Variants in CNIH3 observed in about 807,000 individuals in gnomAD.
CNIH3 encodes the protein cornichon family AMPA receptor auxiliary protein 3, also known as protein cornichon homolog 3.
A neutral mutation model predicts 24.1 loss-of-function variants in CNIH3; 14 were observed. The ratio of observed to expected loss-of-function variants is 0.58; its 90% CI spans 0.38 to 0.91. The LOEUF is 0.91. CNIH3 is among the 40% of genes least tolerant of loss of function. The pLI is 0.00. For missense variants in CNIH3, 178 were observed against 196.8 expected, an observed-to-expected ratio of 0.90 and a Z score of 0.57; for synonymous variants, 68 against 73.8, an observed-to-expected ratio of 0.92 and a Z score of 0.40.
intron 1 of CNIH3, among the ~76,000 whole-genome samples, chr1:224,627,239 T>G (rs992276898): frequency 6.6e-6 from 1 of 151,962 alleles, no homozygotes; most frequent in Admixed American, 6.5e-5. Flanking sequence ...TTTTTTTTGT[T>G]GTTTTGAGAC....
intron 1 of CNIH3, among the ~76,000 whole-genome samples, chr1:224,484,548 A>T (rs1572340739): frequency 1.3e-5 from 2 of 152,220 alleles, no homozygotes; most frequent in East Asian, 3.9e-4. Context: ...GTGACTTTGT[A>T]GTTTTATCAA....
At chr1:224,585,673 G>A (rs1215989246) in intron 5 of CNIH3, among the ~76,000 whole-genome samples, 1 of 146,360 alleles carries the variant, frequency 6.8e-6, no homozygotes, top group Non-Finnish European at 1.5e-5. Context: ...TTGTAGAGAT[G>A]GGGGTCTCAC....
chr1:224,482,240 G>A (rs191924937), intron 1 of CNIH3, among the ~76,000 whole-genome samples: 11 of 152,238 alleles, frequency 7.2e-5, no homozygotes, highest in East Asian at 3.9e-4. Flanking sequence ...CCACTGTAGC[G>A]AAGCTGGTAC....
intron 3 of CNIH3, among the ~76,000 whole-genome samples, chr1:224,563,077 A>C (rs180964608): frequency 3.9e-5 from 6 of 152,116 alleles, no homozygotes; most frequent in Non-Finnish European, 8.8e-5. Context: ...GTGGTTTTAC[A>C]TAATATAGGA....
intron 1 of CNIH3, among the ~76,000 whole-genome samples, chr1:224,497,042 A>C (rs1677466735): frequency 6.6e-6 from 1 of 152,270 alleles, no homozygotes; most frequent in East Asian, 1.9e-4. Context: ...TTATGCAGCC[A>C]TAAAAAGGAA....
chr1:224,739,559 C>T lies in CNIH3; in HGVS notation c.*203C>T. On this transcript the variant is annotated 3_prime_UTR_variant, in exon 6 of 6. Transcript: ENST00000272133. ...TGCGTGTCTGTGTCACCCTGTTTGTCAATCTTTGGCATTCGAATTCCACAC... is the reference window on the plus strand; with the variant it reads ...TGCGTGTCTGTGTCACCCTGTTTGTTAATCTTTGGCATTCGAATTCCACAC... The T allele has an allele frequency of 2.2e-6, 2 of 928,858 alleles. No individual in the cohort carries two copies. The highest frequency in any genetic ancestry group is 3.2e-6 in the Non-Finnish European group (2 of 628,846). 57.5% of individuals were successfully genotyped at this position (928,858 alleles called of 1,614,324 possible). A position where few individuals can be genotyped will look rare whatever the true frequency, so the allele number is the denominator to read the frequency against.
At chr1:224,541,010 A>C (rs1679491622), downstream of CNIH3, among the ~76,000 whole-genome samples, 1 of 152,228 alleles carries the variant, frequency 6.6e-6, no homozygotes, top group Non-Finnish European at 1.5e-5. Context: ...AGATTAGCCC[A>C]CTAAAGTCAT....
intron 3 of CNIH3, among the ~76,000 whole-genome samples, chr1:224,548,592 T>C (rs968794282): frequency 2.0e-5 from 3 of 151,996 alleles, no homozygotes; most frequent in Admixed American, 2.0e-4. Flanking sequence ...AAAGATGTTG[T>C]TCCTAATATC....
chr1:224,455,875 C>T (rs776276383), intron 1 of CNIH3, among the ~76,000 whole-genome samples: 83 of 152,152 alleles, frequency 5.5e-4, no homozygotes, highest in Non-Finnish European at 9.7e-4. Flanking sequence ...TTGGCTTGAA[C>T]CTTATGTTTG....
At chr1:224,606,814 G>A (rs1428964531) in intron 3 of CNIH3, among the ~76,000 whole-genome samples, 1 of 152,078 alleles carries the variant, frequency 6.6e-6, no homozygotes, top group East Asian at 1.9e-4. Flanking sequence ...GTCTCAGGAG[G>A]AACCAGTGTG....
At chr1:224,721,205 T>G (rs561542622) in intron 3 of CNIH3, among the ~76,000 whole-genome samples, 1 of 152,272 alleles carries the variant, frequency 6.6e-6, no homozygotes, top group South Asian at 2.1e-4. Flanking sequence ...TAGTAAGTGC[T>G]TCTAATAAAT....
chr1:224,609,543 A>G (rs1000612541), intron 3 of CNIH3, among the ~76,000 whole-genome samples: 2 of 152,342 alleles, frequency 1.3e-5, no homozygotes, highest in African/African-American at 4.8e-5. Context: ...CTGGGATTTC[A>G]ACAGGGCTTG....
At chr1:224,734,405 G>A (rs913762542) in intron 4 of CNIH3, among the ~76,000 whole-genome samples, 158 bp from the exon 5 acceptor site, 3 of 152,220 alleles carry the variant, frequency 2.0e-5, no homozygotes, top group African/African-American at 7.2e-5. Flanking sequence ...GATAGTGGCT[G>A]AGCCACTCTT....
intron 3 of CNIH3, among the ~76,000 whole-genome samples, chr1:224,552,994 C>T (rs1431252262): frequency 2.7e-5 from 4 of 149,904 alleles, no homozygotes; most frequent in African/African-American, 9.8e-5. Context: ...AAGGTGTACA[C>T]CTCCTGTGAT....
At chr1:224,705,736 T>A (rs1010729098) in intron 3 of CNIH3, among the ~76,000 whole-genome samples, 2 of 152,140 alleles carry the variant, frequency 1.3e-5, no homozygotes, top group Non-Finnish European at 2.9e-5. Context: ...CAGGCTGCCA[T>A]AGTACCCTGC....
downstream of CNIH3, among the ~76,000 whole-genome samples, chr1:224,538,437 G>A (rs781219576): frequency 2.0e-5 from 3 of 152,144 alleles, no homozygotes; most frequent in African/African-American, 4.8e-5. Flanking sequence ...TTCCTAAGGA[G>A]AGACCCTGTT....
chr1:224,500,720 G>A (rs1220966305), intron 1 of CNIH3, among the ~76,000 whole-genome samples: 1 of 152,008 alleles, frequency 6.6e-6, no homozygotes, highest in Non-Finnish European at 1.5e-5. Flanking sequence ...ATTCATGACT[G>A]ATCTTTAATC....
At chr1:224,481,239 C>T (rs1470682470) in intron 1 of CNIH3, among the ~76,000 whole-genome samples, 2 of 152,230 alleles carry the variant, frequency 1.3e-5, no homozygotes, top group Admixed American at 1.3e-4. Context: ...CAGTTACCTT[C>T]CACCAGGTCC....
At chr1:224,594,221 C>T (rs1038036967) in intron 3 of CNIH3, among the ~76,000 whole-genome samples, 1 of 152,174 alleles carries the variant, frequency 6.6e-6, no homozygotes, top group Non-Finnish European at 1.5e-5. Context: ...CCCCTAGAGC[C>T]CAAGCCTGGC....
Sources: gnomAD v4.1 joint callset for allele counts (sites outside exome capture counted in the v4.1 genomes callset) on GRCh38, gnomAD v4.1.1 for gene constraint, MANE v1.5 for transcripts, NCBI Gene and HGNC (gene_info 2026-07-23, HGNC 2026-07-21) for gene names.